Variants in CRYZ observed in about 807,000 individuals in gnomAD.
CRYZ encodes the protein crystallin zeta, also known as zeta-crystallin.
A neutral mutation model predicts 34.1 loss-of-function variants in CRYZ; 35 were observed. The ratio of observed to expected loss-of-function variants is 1.03; its 90% CI spans 0.78 to 1.36. The LOEUF is 1.36. Ranked by LOEUF, CRYZ falls within the 40% of genes most tolerant of loss-of-function variation. The probability of loss-of-function intolerance (pLI) is 0.00; values close to 1 mark genes in which losing one functional copy is unlikely to be tolerated. For missense variants in CRYZ, 403 were observed against 391.8 expected, an observed-to-expected ratio of 1.03 and a Z score of -0.24; for synonymous variants, 137 against 136.5, an observed-to-expected ratio of 1.00 and a Z score of -0.03.
chr1:74,726,818 C>T (rs1002749280), intron 1 of CRYZ, among the ~76,000 whole-genome samples: 2 of 152,058 alleles, frequency 1.3e-5, no homozygotes, highest in Non-Finnish European at 2.9e-5. Flanking sequence ...TAATAATGCG[C>T]AAGTCACCTC....
In CRYZ at chr1:74,705,715, G is replaced by A. The variant is rs886689508; in HGVS notation, c.*581C>T. On this transcript the variant is annotated 3_prime_UTR_variant, in exon 9 of 9. Transcript: ENST00000340866. ...CTACTATTCTCACAGAACATATGGG[G>A]TCATTGGCAGCCAACCAATAATGAA... The A allele has an allele frequency of 6.6e-6, 1 of 152,064 alleles. No homozygotes were observed. Among genetic ancestry groups the A allele is most frequent in the African/African-American group, 2.4e-5 (1 of 41,414 alleles). 9.4% of individuals were successfully genotyped at this position (152,064 alleles called of 1,614,324 possible). A position where few individuals can be genotyped will look rare whatever the true frequency, so the allele number is the denominator to read the frequency against.
intron 6 of CRYZ, chr1:74,708,490 A>T (rs551952685): frequency 6.6e-6 from 1 of 152,126 alleles, no homozygotes; most frequent in African/African-American, 2.4e-5. Context: ...ATAACAGTCA[A>T]GGCTGGAGAA....
intron 5 of CRYZ, among the ~76,000 whole-genome samples, chr1:74,712,766 C>T (rs115720697): frequency 0.014 from 2,188 of 152,240 alleles, 54 homozygotes; most frequent in African/African-American, 0.05. Flanking sequence ...AAAAAGCTAA[C>T]GTAACTACAT....
In CRYZ at chr1:74,726,138, C is replaced by T. The variant is rs147870244; in HGVS notation, c.-13-1304G>A. ...ATTCTGGGGTCTGGAGGACAGTGGC[C>T]TTCTTCTCACAGCTCCACCAGGCAG... On this transcript the variant is annotated intron_variant, in intron 1 of 8. Coordinates refer to ENST00000340866, the MANE Select transcript of CRYZ (RefSeq NM_001889.4). Among the ~76,000 whole-genome samples, 586 of 152,286 alleles carry T rather than the reference C, an allele frequency of 3.8e-3. 4 individuals are homozygous for T. The highest frequency in any genetic ancestry group is 7.0e-3 in the Non-Finnish European group (477 of 68,026).
intron 3 of CRYZ, 120 bp from the exon 4 acceptor site, chr1:74,719,492 T>C (rs369578213): frequency 2.2e-6 from 2 of 901,276 alleles, no homozygotes; most frequent in East Asian, 2.7e-5. Flanking sequence ...TAGGGTCTCA[T>C]ATAAATAATT....
At chr1:74,724,527 C>G (rs1055822307) in intron 2 of CRYZ, among the ~76,000 whole-genome samples, 184 bp downstream of exon 2, 2 of 152,122 alleles carry the variant, frequency 1.3e-5, no homozygotes, top group Non-Finnish European at 2.9e-5. Flanking sequence ...CTTTTTCATA[C>G]ATCTACTTCA....
chr1:74,722,909 C>A lies in CRYZ; in HGVS notation c.264+209G>T, dbSNP rs373639707. 2.1e-4 allele frequency among the ~76,000 whole-genome samples: 32 copies of A among 152,162 alleles called. 1 individual carries two copies. Among genetic ancestry groups the A allele is most frequent in the African/African-American group, 7.7e-4 (32 of 41,508 alleles). On this transcript the variant is annotated intron_variant, in intron 3 of 8. Transcript: ENST00000340866. ...ACATGAAGATACAGAAATTACCCAGCACCTATTCACTACAATGTAGTAAAC... is the reference window on the plus strand; with the variant it reads ...ACATGAAGATACAGAAATTACCCAGAACCTATTCACTACAATGTAGTAAAC...
At chr1:74,713,969 T>G (rs984758335) in intron 5 of CRYZ, among the ~76,000 whole-genome samples, 2 of 152,012 alleles carry the variant, frequency 1.3e-5, no homozygotes, top group South Asian at 2.1e-4. Flanking sequence ...CAGCCCTGCA[T>G]TGGGTGATTT....
chr1:74,724,692 A>T lies in CRYZ; in HGVS notation c.111+19T>A. On this transcript the variant is annotated intron_variant, in intron 2 of 8. Coordinates refer to ENST00000340866, the MANE Select transcript of CRYZ (RefSeq NM_001889.4). ...CACTCAGTATAATTATAGCCTCAATAAAGTAATTTTATTTCTACCTGATGG... is the reference window on the plus strand; with the variant it reads ...CACTCAGTATAATTATAGCCTCAATTAAGTAATTTTATTTCTACCTGATGG... The T allele has an allele frequency of 6.8e-7, 1 of 1,477,836 alleles. No individual in the cohort carries two copies. The highest frequency in any genetic ancestry group is 9.4e-7 in the Non-Finnish European group (1 of 1,062,178). 91.5% of individuals were successfully genotyped at this position (1,477,836 alleles called of 1,614,324 possible). A position where few individuals can be genotyped will look rare whatever the true frequency, so the allele number is the denominator to read the frequency against.
chr1:74,712,465 A>C (rs190704665), intron 5 of CRYZ, among the ~76,000 whole-genome samples: 2 of 152,330 alleles, frequency 1.3e-5, no homozygotes, highest in East Asian at 3.9e-4. Flanking sequence ...TTCGGCAAGA[A>C]AAGAATTAAG....
At chr1:74,715,316 G>T (rs1647056840) in intron 4 of CRYZ, among the ~76,000 whole-genome samples, 1 of 152,186 alleles carries the variant, frequency 6.6e-6, no homozygotes, top group Non-Finnish European at 1.5e-5. Flanking sequence ...GTACTGAAAA[G>T]AAGGGACATG....
At chr1:74,721,233 TC>T in intron 3 of CRYZ, among the ~76,000 whole-genome samples, 1 of 152,306 alleles carries the variant, frequency 6.6e-6, no homozygotes, top group South Asian at 2.1e-4. Context: ...ATCCTTTGAA[TC>T]CATGTTTGTA....
At chr1:74,730,143 T>C (rs1647633232) in intron 1 of CRYZ, among the ~76,000 whole-genome samples, 1 of 152,188 alleles carries the variant, frequency 6.6e-6, no homozygotes, top group Non-Finnish European at 1.5e-5. Context: ...CCCCACATTT[T>C]GGCATTGGCT....
Position 74,713,365 on chromosome 1 carries a change from T to C in CRYZ, c.480+1214A>G, listed in dbSNP as rs145034466. Among the ~76,000 whole-genome samples the C allele has an allele frequency of 8.4e-3, 1,282 of 152,298 alleles. 15 individuals carry two copies. Among genetic ancestry groups the C allele is most frequent in the African/African-American group, 0.029 (1,223 of 41,554 alleles). ...AAAGCCAGGGTAATTTAAATAAATG[T>C]ATGTGTTTGACAGACCCTTTAGTTA... On this transcript the variant is annotated intron_variant, in intron 5 of 8. Coordinates refer to ENST00000340866, the MANE Select transcript of CRYZ (RefSeq NM_001889.4).
intron 3 of CRYZ, 127 bp from the exon 4 acceptor site, chr1:74,719,499 A>AT: frequency 1.7e-5 from 15 of 864,674 alleles, no homozygotes; most frequent in Non-Finnish European, 2.5e-5. Flanking sequence ...TCATATAAAT[A>AT]ATTTTTTTTT....
intron 4 of CRYZ, among the ~76,000 whole-genome samples, chr1:74,717,096 C>A (rs549535500): frequency 6.6e-6 from 1 of 152,302 alleles, no homozygotes; most frequent in Admixed American, 6.5e-5. Context: ...ATCATCTTTA[C>A]CCTTTCTAGG....
intron 1 of CRYZ, among the ~76,000 whole-genome samples, chr1:74,725,512 C>A (rs1292689698): frequency 6.7e-6 from 1 of 150,260 alleles, no homozygotes; most frequent in East Asian, 2.0e-4. Flanking sequence ...ACTCAATTAC[C>A]TCCCACCAGG....
chr1:74,730,915 A>G (rs1647686119), intron 1 of CRYZ, among the ~76,000 whole-genome samples: 2 of 152,222 alleles, frequency 1.3e-5, no homozygotes, highest in South Asian at 4.1e-4. Context: ...AAATTTCTCA[A>G]ATGCCCACTA....
Position 74,723,253 on chromosome 1 carries a change from A to G in CRYZ, c.129T>C (p.His43=). Residue 43 remains histidine, a synonymous_variant, in exon 3 of 9, where the codon CAT becomes CAC. Transcript: ENST00000340866. The part of the protein sequence containing the change: ...PKDHQVLIKV[H]ACGVNPVETY... Reference sequence around the variant, plus strand: ...TCTCCACGGGGTTGACACCACATGCATGGACCTTGATTAGAACCTGCAATG... The same window carrying G: ...TCTCCACGGGGTTGACACCACATGCGTGGACCTTGATTAGAACCTGCAATG... The G allele has an allele frequency of 6.2e-7, 1 of 1,608,052 alleles. No homozygotes were observed. Among genetic ancestry groups the G allele is most frequent in the Admixed American group, 1.7e-5 (1 of 58,198 alleles).
Sources: gnomAD v4.1 joint callset for allele counts (sites outside exome capture counted in the v4.1 genomes callset) on GRCh38, gnomAD v4.1.1 for gene constraint, MANE v1.5 for transcripts, NCBI Gene and HGNC (gene_info 2026-07-23, HGNC 2026-07-21) for gene names.